Variants in OXR1 observed in about 807,000 individuals in gnomAD.
OXR1 encodes oxidation resistance 1, also known as oxidation resistance protein 1.
A neutral mutation model predicts 104.6 loss-of-function variants in OXR1; 41 were observed. That is an observed-to-expected ratio of 0.39 (90% CI 0.31 to 0.51). The LOEUF (loss-of-function observed/expected upper bound fraction) is 0.51. Among genes scored for constraint, OXR1 ranks in the 20% least tolerant of loss-of-function variants. The pLI, the probability that OXR1 is intolerant of heterozygous loss-of-function variation, is 0.77. For missense variants in OXR1, 955 were observed against 1,031.9 expected (o/e 0.93, Z 1.02); for synonymous variants, 348 against 348.4 (o/e 1.00, Z 0.01).
At chr8:106,280,154 AACTTGTTTT>A (rs1379203330) in intron 1 of OXR1, among the ~76,000 whole-genome samples, 1 of 152,210 alleles carries the variant, frequency 6.6e-6, no homozygotes, top group African/African-American at 2.4e-5. Flanking sequence ...AGGATGCAGA[AACTTGTTTT>A]AGTGATCATG....
At chr8:106,285,571 T>C (rs974572877) in intron 1 of OXR1, among the ~76,000 whole-genome samples, 1 of 152,038 alleles carries the variant, frequency 6.6e-6, no homozygotes, top group Non-Finnish European at 1.5e-5. Context: ...AGACAGCTTG[T>C]GCTGAAACAG....
At chr8:106,516,858 A>C (rs1224116354) in intron 2 of OXR1, among the ~76,000 whole-genome samples, 1 of 152,074 alleles carries the variant, frequency 6.6e-6, no homozygotes, top group African/African-American at 2.4e-5. Context: ...TATTATTGTT[A>C]ATCTCTTACT....
chr8:106,384,208 G>T (rs1817272803), intron 2 of OXR1, among the ~76,000 whole-genome samples: 1 of 152,176 alleles, frequency 6.6e-6, no homozygotes, highest in African/African-American at 2.4e-5. Flanking sequence ...AAGACCAATT[G>T]GAGTCTGTGA....
intron 2 of OXR1, among the ~76,000 whole-genome samples, chr8:106,412,608 C>G (rs183374957): frequency 7.2e-6 from 1 of 139,178 alleles, no homozygotes; most frequent in Admixed American, 7.1e-5. Context: ...GGAGTGAGTA[C>G]GCAGGGAGTC....
chr8:106,692,075 G>A (rs1229867162), intron 6 of OXR1, among the ~76,000 whole-genome samples: 3 of 151,100 alleles, frequency 2.0e-5, no homozygotes, highest in Non-Finnish European at 4.4e-5. Context: ...ATACCATGTT[G>A]TTTCCATTTG....
At chr8:106,731,759 T>C (rs1833915324) in intron 11 of OXR1, among the ~76,000 whole-genome samples, 1 of 152,212 alleles carries the variant, frequency 6.6e-6, no homozygotes, top group South Asian at 2.1e-4. Flanking sequence ...GTCAGTTCTT[T>C]TGCCAAAACC....
chr8:106,639,685 G>A (rs1823466317), intron 3 of OXR1, among the ~76,000 whole-genome samples: 1 of 152,134 alleles, frequency 6.6e-6, no homozygotes, highest in African/African-American at 2.4e-5. Context: ...CTAAGATTGG[G>A]TAAGGATCAT....
chr8:106,313,336 G>A (rs1173658709), intron 1 of OXR1, among the ~76,000 whole-genome samples: 1 of 152,136 alleles, frequency 6.6e-6, no homozygotes, highest in East Asian at 1.9e-4. Context: ...AAGGGAGTGA[G>A]AGAGTTGTAA....
At chr8:106,458,766 T>C (rs1429102398) in intron 2 of OXR1, among the ~76,000 whole-genome samples, 1 of 152,104 alleles carries the variant, frequency 6.6e-6, no homozygotes, top group Non-Finnish European at 1.5e-5. Context: ...TCTGGAACTA[T>C]GAGGCAATGT....
In OXR1 at chr8:106,288,636, TTAA is replaced by T. The variant is rs541019336; in HGVS notation, c.-139+18272_-139+18274del. 1.0e-4 allele frequency among the ~76,000 whole-genome samples: 15 copies of T among 148,074 alleles called. No homozygotes were observed. In the East Asian group the frequency reaches 2.7e-3, roughly 27 times the overall value. ...TATTTATATACACATACATTATATA[TTAA>T]TATATACACACACATACTCTATCTA... On this transcript the variant is annotated intron_variant, in intron 1 of 16. Coordinates refer to ENST00000517566, the MANE Select transcript of OXR1 (RefSeq NM_001198533.2).
chr8:106,423,827 C>A (rs181829659), intron 2 of OXR1, among the ~76,000 whole-genome samples: 1 of 152,218 alleles, frequency 6.6e-6, no homozygotes, highest in African/African-American at 2.4e-5. Flanking sequence ...AAATATAATC[C>A]CATCATATCA....
At chr8:106,402,815 CT>C (rs1554634305) in intron 2 of OXR1, among the ~76,000 whole-genome samples, 1 of 151,984 alleles carries the variant, frequency 6.6e-6, no homozygotes, top group Non-Finnish European at 1.5e-5. Flanking sequence ...TTCTTTCTTT[CT>C]TTCTTTTCTT....
intron 3 of OXR1, among the ~76,000 whole-genome samples, chr8:106,547,044 C>A (rs142951134): frequency 1.3e-5 from 2 of 152,160 alleles, no homozygotes; most frequent in African/African-American, 4.8e-5. Context: ...GTGTGCACCA[C>A]CACGCCTAGC....
chr8:106,376,648 T>G (rs1348448443), intron 2 of OXR1, among the ~76,000 whole-genome samples: 2 of 152,228 alleles, frequency 1.3e-5, no homozygotes, highest in East Asian at 3.8e-4. Flanking sequence ...GAAATGAAGG[T>G]GATAATAAAT....
intron 2 of OXR1, among the ~76,000 whole-genome samples, chr8:106,377,441 C>T (rs1376609155): frequency 6.6e-6 from 1 of 152,144 alleles, no homozygotes; most frequent in Non-Finnish European, 1.5e-5. Flanking sequence ...CCATCTTGGC[C>T]TCCTAAATTG....
At chr8:106,584,329 G>A (rs1211441481) in intron 3 of OXR1, among the ~76,000 whole-genome samples, 1 of 151,876 alleles carries the variant, frequency 6.6e-6, no homozygotes, top group Non-Finnish European at 1.5e-5. Context: ...GGTGTTCGGG[G>A]GAGGGGGGAG....
At chr8:106,432,266 AACAAACATTGG>A (rs1374306716) in intron 2 of OXR1, among the ~76,000 whole-genome samples, 1 of 152,104 alleles carries the variant, frequency 6.6e-6, no homozygotes, top group Non-Finnish European at 1.5e-5. Flanking sequence ...ATCCTTCAAA[AACAAACATTGG>A]ATCACGTATC....
chr8:106,633,266 AAAAAAGC>A (rs1282787701), intron 3 of OXR1, among the ~76,000 whole-genome samples: 5 of 152,072 alleles, frequency 3.3e-5, no homozygotes, highest in African/African-American at 1.2e-4. Flanking sequence ...CAACAACAAA[AAAAAAGC>A]CAACCAAAGA....
chr8:106,645,397 A>AG (rs1468538785), intron 3 of OXR1, among the ~76,000 whole-genome samples: 1 of 152,166 alleles, frequency 6.6e-6, no homozygotes, highest in African/African-American at 2.4e-5. Flanking sequence ...TGAGGTGCCT[A>AG]GGCATGCCCT....
Sources: gnomAD v4.1 joint callset for allele counts (sites outside exome capture counted in the v4.1 genomes callset) on GRCh38, gnomAD v4.1.1 for gene constraint, MANE v1.5 for transcripts, NCBI Gene and HGNC (gene_info 2026-07-23, HGNC 2026-07-21) for gene names.